The following BICRA variants were observed in gnomAD, a reference collection of about 807,000 sequenced individuals.
BICRA encodes BRD4 interacting chromatin remodeling complex associated protein.
In BICRA, 31 loss-of-function variants were observed where a neutral mutation model predicts 96.9. That is an observed-to-expected ratio of 0.32 (90% confidence interval 0.24 to 0.43). The LOEUF (loss-of-function observed/expected upper bound fraction) is 0.43. Ranked by LOEUF, BICRA falls within the 20% of genes least tolerant of loss-of-function variation. BICRA has a pLI of 1.00. For synonymous variants in BICRA, 1,350 were observed against 1,071.8 expected (o/e 1.26, Z -5.07); for missense variants, 2,283 against 2,190.3 (o/e 1.04, Z -0.84).
In BICRA at chr19:47,694,382, G is replaced by T. The variant is rs1973293971; in HGVS notation, c.2551G>T (p.Ala851Ser). The T allele has an allele frequency of 1.7e-6, 2 of 1,143,886 alleles. No homozygotes were observed. Among genetic ancestry groups the T allele is most frequent in the Non-Finnish European group, 2.6e-6 (2 of 783,498 alleles). 70.9% of individuals were successfully genotyped at this position (1,143,886 alleles called of 1,614,324 possible). A position where few individuals can be genotyped will look rare whatever the true frequency, so the allele number is the denominator to read the frequency against. ...CGTTCCCCCGCCTGCCAGCAACCCG[G>T]CCCCTACTGCCCCAGGCCCGCCGCA... The part of the protein sequence containing the change: ...LGVPPPASNP[A>S]PTAPGPPQPP... The change falls in exon 8 of 15, where the codon GCC becomes TCC. Residue 851 changes from alanine to serine, a missense_variant. Coordinates refer to ENST00000594866, the MANE Select transcript of BICRA (RefSeq NM_001394372.1).
rs183977460 is a variant in BICRA at position 47,614,803 on chromosome 19, T to C, written c.-108+5635T>C. The stretch of plus-strand genomic sequence containing the variant: ...GTGGGTGAATCCTCCTTTACTGTTA[T>C]GGACGTGGAGGTGTTTCCAAAGGTT... On this transcript the variant is annotated intron_variant, in intron 1 of 14. Coordinates refer to ENST00000594866, the MANE Select transcript of BICRA (RefSeq NM_001394372.1). Among the ~76,000 whole-genome samples the C allele has an allele frequency of 3.9e-3, 595 of 152,250 alleles. 3 individuals are homozygous for C. The highest frequency in any genetic ancestry group is 3.2e-3 in the Non-Finnish European group (221 of 68,016).
rs1029622385 is a variant in BICRA, at chr19:47,628,706, G to A, written c.-108+19538G>A. 4.0e-5 allele frequency among the ~76,000 whole-genome samples: 6 copies of A among 151,866 alleles called. No homozygotes were observed. In the South Asian group the frequency reaches 1.0e-3, roughly 26 times the overall value. ...TGCAGTCTCAACATCCTGGGTTCAG[G>A]TGATCCTTCCACCTCAGCCTCCTGA... On this transcript the variant is annotated intron_variant, in intron 1 of 14. Coordinates refer to ENST00000594866, the MANE Select transcript of BICRA (RefSeq NM_001394372.1).
chr19:47,673,558 C>A lies in BICRA; in HGVS notation c.-5-12C>A. Reference sequence around the variant, plus strand: ...GTCTCCCTCGCCCTCTTCCTGACCCCACCCCATCCAGTGGCGATGGATGAT... The same window carrying A: ...GTCTCCCTCGCCCTCTTCCTGACCCAACCCCATCCAGTGGCGATGGATGAT... On this transcript the variant is annotated splice_polypyrimidine_tract_variant and intron_variant, in intron 2 of 14. Coordinates refer to ENST00000594866, the MANE Select transcript of BICRA (RefSeq NM_001394372.1). 6.2e-7 allele frequency: 1 copy of A among 1,610,044 alleles called. No individual in the cohort carries two copies. The highest frequency in any genetic ancestry group is 8.5e-7 in the Non-Finnish European group (1 of 1,176,358).
In BICRA at chr19:47,695,018, C is replaced by A. The variant is rs757474929; in HGVS notation, c.3014C>A (p.Ala1005Asp). ...PAASVLVSGQ[A>D]PSGTPTAPSH... ...GCGTCTGTGCTGGTCAGTGGGCAGGCCCCATCTGGGACCCCCACTGCCCCC... is the reference window on the plus strand; with the variant it reads ...GCGTCTGTGCTGGTCAGTGGGCAGGACCCATCTGGGACCCCCACTGCCCCC... The change falls in exon 9 of 15, where the codon GCC (alanine) becomes GAC (aspartate). Residue 1005 changes from alanine (A) to aspartate (D), a missense_variant. Ala to Asp is a moderately radical substitution (Grantham distance 126). Coordinates refer to ENST00000594866, the MANE Select transcript of BICRA (RefSeq NM_001394372.1). 1 of 1,519,644 alleles carries A rather than the reference C, an allele frequency of 6.6e-7. No individual in the cohort carries two copies. 94.1% of individuals were successfully genotyped at this position (1,519,644 alleles called of 1,614,324 possible).
At position 47,680,769 on chromosome 19, in the gene BICRA, C is replaced by T. The variant is rs759601232; in HGVS notation, c.1599C>T (p.His533=). The T allele has an allele frequency of 4.3e-6, 7 of 1,610,126 alleles. No individual in the cohort carries two copies. The Admixed American group carries it at 1.2e-4, about 27-fold the overall frequency. ...PLSLGPVLAP[H]SGAHSAHILS... Reference sequence around the variant, plus strand: ...GCCTGGGCCCCGTGTTGGCCCCCCACTCCGGGGCCCACAGCGCGCACATCC... The same window carrying T: ...GCCTGGGCCCCGTGTTGGCCCCCCATTCCGGGGCCCACAGCGCGCACATCC... Residue 533 remains histidine (H), a synonymous_variant, in exon 6 of 15, where the codon CAC becomes CAT. Coordinates refer to ENST00000594866, the MANE Select transcript of BICRA (RefSeq NM_001394372.1).
At chr19:47,636,993 A>G (rs1363099432) in intron 1 of BICRA, among the ~76,000 whole-genome samples, 1 of 152,116 alleles carries the variant, frequency 6.6e-6, no homozygotes, top group African/African-American at 2.4e-5. Flanking sequence ...TCCCCTCCTT[A>G]GTCAAGCCTG....
chr19:47,687,380 CTCTT>C (rs1337940945), intron 7 of BICRA, among the ~76,000 whole-genome samples: 1 of 152,020 alleles, frequency 6.6e-6, no homozygotes, highest in African/African-American at 2.4e-5. Context: ...TATAGTTTGC[CTCTT>C]TCTTTTGATG....
chr19:47,687,637 A>G (rs1157329566), intron 7 of BICRA, among the ~76,000 whole-genome samples: 1 of 152,044 alleles, frequency 6.6e-6, no homozygotes, highest in Non-Finnish European at 1.5e-5. Flanking sequence ...CTCTACTAAA[A>G]ATACAAAAAT....
chr19:47,701,379 C>A lies in BICRA; in HGVS notation c.3647C>A (p.Ser1216Tyr), dbSNP rs1286692144. 6.2e-7 allele frequency: 1 copy of A among 1,610,742 alleles called. No individual in the cohort carries two copies. ...RSLGLPIAAS[S>Y]EGHRLPGHGP... ...CTCGGCCTCCCCATCGCAGCCTCTTCCGAGGGTCATCGGCTTCCCGGCCAC... is the reference window on the plus strand; with the variant it reads ...CTCGGCCTCCCCATCGCAGCCTCTTACGAGGGTCATCGGCTTCCCGGCCAC... The change falls in exon 15 of 15, where the codon TCC becomes TAC. Residue 1216 changes from serine (S) to tyrosine (Y), a missense_variant. Physicochemically the swap from Ser to Tyr is moderately radical, Grantham distance 144. Coordinates refer to ENST00000594866, the MANE Select transcript of BICRA (RefSeq NM_001394372.1). The surrounding 1 kb of genome is among the most constrained non-coding windows in gnomAD (Gnocchi z 5.4).
At position 47,694,894 on chromosome 19, in the gene BICRA, C is replaced by T. The variant is rs776322820; in HGVS notation, c.2896-6C>T. 5.3e-6 allele frequency: 8 copies of T among 1,507,922 alleles called. No individual in the cohort carries two copies. Among genetic ancestry groups the T allele is most frequent in the Non-Finnish European group, 7.1e-6 (8 of 1,134,056 alleles). The allele number at this position is 1,507,922 out of a possible 1,614,324, so 93.4% of individuals were successfully genotyped here. On this transcript the variant is annotated splice_region_variant and splice_polypyrimidine_tract_variant and intron_variant, in intron 8 of 14. Transcript: ENST00000594866. ...CCCACCCCTCATCCACCTGTCCCCT[C>T]CTCAGGTGCCGTCCGGAATCATCCT...
At chr19:47,633,745 A>G (rs902258269) in intron 1 of BICRA, among the ~76,000 whole-genome samples, 3 of 152,216 alleles carry the variant, frequency 2.0e-5, no homozygotes, top group Admixed American at 2.0e-4. Flanking sequence ...AAACACCACC[A>G]ATGGTATTAA....
intron 1 of BICRA, among the ~76,000 whole-genome samples, chr19:47,659,693 C>T (rs1395602394): frequency 8.0e-6 from 1 of 124,662 alleles, no homozygotes; most frequent in African/African-American, 3.6e-5. Context: ...CATACACACA[C>T]ACACACACAC....
intron 1 of BICRA, among the ~76,000 whole-genome samples, chr19:47,647,698 C>G (rs1354544741): frequency 1.3e-5 from 2 of 152,086 alleles, no homozygotes; most frequent in Non-Finnish European, 2.9e-5. Context: ...TCGCCTGCCT[C>G]TGTTGCTGGT....
chr19:47,647,101 C>T (rs1481832550), intron 1 of BICRA, among the ~76,000 whole-genome samples: 1 of 152,214 alleles, frequency 6.6e-6, no homozygotes, highest in Non-Finnish European at 1.5e-5. Flanking sequence ...GTCAAGGTCC[C>T]TCCGTGTGTG....
intron 7 of BICRA, 29 bp downstream of exon 7, chr19:47,682,181 C>T (rs1317581862): frequency 4.6e-6 from 5 of 1,092,378 alleles, no homozygotes; most frequent in Non-Finnish European, 6.6e-6. Flanking sequence ...CCTGTGTCCG[C>T]AGCACAGACC....
Position 47,679,782 on chromosome 19 carries a change from C to A in BICRA, c.612C>A (p.Gly204=), listed in dbSNP as rs1018829916. The A allele has an allele frequency of 6.7e-7, 1 of 1,500,490 alleles. No individual in the cohort carries two copies. The highest frequency in any genetic ancestry group is 8.9e-7 in the Non-Finnish European group (1 of 1,126,860). The allele number at this position is 1,500,490 out of a possible 1,614,324, so 92.9% of individuals were successfully genotyped here. A position where few individuals can be genotyped will look rare whatever the true frequency, so the allele number is the denominator to read the frequency against. Residue 204 remains glycine, a synonymous_variant, in exon 6 of 15, where the codon GGC becomes GGA. Transcript: ENST00000594866. The stretch of plus-strand genomic sequence containing the variant: ...CCTTCCTGCAGCCTGTGGGCCTGGG[C>A]AATGTGACACTGCAGCCCATCCCGG... ...VQPFLQPVGL[G]NVTLQPIPGL... is the part of the protein sequence containing the mutation.
intron 7 of BICRA, among the ~76,000 whole-genome samples, chr19:47,688,823 G>A (rs1347666916): frequency 1.3e-5 from 2 of 151,788 alleles, no homozygotes; most frequent in African/African-American, 4.8e-5. Flanking sequence ...TCTTTGTTTT[G>A]TTTTATTTTT....
In BICRA at chr19:47,701,881, G is replaced by A. The variant is rs908555084; in HGVS notation, c.4149G>A (p.Pro1383=). 2 of 1,468,912 alleles carry A rather than the reference G, an allele frequency of 1.4e-6. No homozygotes were observed. The highest frequency in any genetic ancestry group is 1.3e-5 in the South Asian group (1 of 78,382). The allele number at this position is 1,468,912 out of a possible 1,614,324, so 91.0% of individuals were successfully genotyped here. A position where few individuals can be genotyped will look rare whatever the true frequency, so the allele number is the denominator to read the frequency against. ...CCCTGGGCACCGCCCCGCACTGCCC[G>A]CGCCTGCCACTGCGCAAGACCTACC... The part of the protein sequence containing the change: ...RKPLGTAPHC[P]RLPLRKTYRE... The change falls in exon 15 of 15, where the codon CCG becomes CCA. Residue 1383 remains proline (P), a synonymous_variant. Coordinates refer to ENST00000594866, the MANE Select transcript of BICRA (RefSeq NM_001394372.1). This position sits in a 1 kb window ranked among gnomAD's most constrained non-coding sequence, Gnocchi z 5.4.
At position 47,680,973 on chromosome 19, in the gene BICRA, C is replaced by A. The variant is rs1973041477; in HGVS notation, c.1803C>A (p.Gly601=). Residue 601 remains glycine, a synonymous_variant, in exon 6 of 15, where the codon GGC becomes GGA. Transcript: ENST00000594866. ...SAVAMLNTPD[G]LVQPATPAAA... ...TGGCCATGCTCAACACCCCCGACGGCCTGGTGCAGCCGGCCACCCCTGCCG... is the reference window on the plus strand; with the variant it reads ...TGGCCATGCTCAACACCCCCGACGGACTGGTGCAGCCGGCCACCCCTGCCG... 1 of 1,471,144 alleles carries A rather than the reference C, an allele frequency of 6.8e-7. No individual in the cohort carries two copies. Among genetic ancestry groups the A allele is most frequent in the Non-Finnish European group, 8.9e-7 (1 of 1,120,732 alleles). 91.1% of individuals were successfully genotyped at this position (1,471,144 alleles called of 1,614,324 possible).
Sources: allele counts gnomAD v4.1 joint callset (sites outside exome capture counted in the v4.1 genomes callset), GRCh38; gene constraint gnomAD v4.1.1; non-coding constraint Gnocchi (gnomAD v3.1); transcripts MANE v1.5; gene names NCBI Gene and HGNC (gene_info 2026-07-23, HGNC 2026-07-21).